The following MICAL2 variants were observed in gnomAD, a reference collection of about 807,000 sequenced individuals.
MICAL2 encodes [F-actin]-monooxygenase MICAL2.
Under a neutral mutation model 127.3 loss-of-function variants are expected in MICAL2, and 77 were observed. That is an observed-to-expected ratio of 0.60 (90% confidence interval 0.50 to 0.73). The LOEUF is 0.73. Among genes scored for constraint, MICAL2 ranks in the 30% least tolerant of loss-of-function variants. The probability of loss-of-function intolerance (pLI) is 0.00; values close to 1 mark genes in which losing one functional copy is unlikely to be tolerated. For missense variants in MICAL2, 1,351 were observed against 1,434.4 expected (o/e 0.94, Z 0.94); for synonymous variants, 570 against 551.1 (o/e 1.03, Z -0.48).
intron 2 of MICAL2, among the ~76,000 whole-genome samples, chr11:12,147,634 A>G (rs115838789): frequency 1.8e-3 from 267 of 152,330 alleles, no homozygotes; most frequent in African/African-American, 5.8e-3. Context: ...GAAGAGCCAA[A>G]TGGCGTGGTC....
intron 29 of MICAL2, among the ~76,000 whole-genome samples, chr11:12,300,586 A>G (rs1864036193): frequency 6.6e-6 from 1 of 152,158 alleles, no homozygotes; most frequent in South Asian, 2.1e-4. Flanking sequence ...CATGAACAAG[A>G]GGCCTCTAGG....
chr11:12,182,321 G>A (rs1031083135), intron 3 of MICAL2, among the ~76,000 whole-genome samples: 1 of 152,176 alleles, frequency 6.6e-6, no homozygotes, highest in African/African-American at 2.4e-5. Context: ...GCCTGCCAGT[G>A]TAGTGGGTCA....
downstream of MICAL2, chr11:12,293,518 T>C: frequency 6.5e-7 from 1 of 1,531,722 alleles, no homozygotes; most frequent in Non-Finnish European, 8.8e-7. Context: ...AAATAAATGA[T>C]GAAAATTTTT....
At chr11:12,117,836 A>G (rs1307130170) in intron 1 of MICAL2, among the ~76,000 whole-genome samples, 2 of 152,230 alleles carry the variant, frequency 1.3e-5, no homozygotes. Context: ...CATTTGTCTG[A>G]TGACTAAATG....
chr11:12,236,086 C>T, intron 15 of MICAL2, 91 bp from the exon 16 acceptor site: 5 of 1,139,900 alleles, frequency 4.4e-6, no homozygotes, highest in Non-Finnish European at 6.7e-6. Flanking sequence ...TCAGCGCCAG[C>T]TCAAAGCCAG....
chr11:12,224,888 T>C, intron 13 of MICAL2, 68 bp downstream of exon 13: 1 of 1,521,658 alleles, frequency 6.6e-7, no homozygotes, highest in Non-Finnish European at 9.0e-7. Flanking sequence ...GCATGCAGAA[T>C]CTTCATTACT....
At chr11:12,198,894 T>C (rs1860293496) in intron 3 of MICAL2, among the ~76,000 whole-genome samples, 1 of 152,212 alleles carries the variant, frequency 6.6e-6, no homozygotes, top group Non-Finnish European at 1.5e-5. Context: ...GGACCTGGCT[T>C]GCTCGTTCCT....
intron 1 of MICAL2, among the ~76,000 whole-genome samples, chr11:12,135,296 C>T (rs895781559): frequency 3.9e-5 from 6 of 152,114 alleles, no homozygotes; most frequent in African/African-American, 1.2e-4. Context: ...AGCTCTTTAC[C>T]TGCATAACTC....
intron 3 of MICAL2, among the ~76,000 whole-genome samples, chr11:12,183,485 C>T (rs1225115149): frequency 6.6e-6 from 1 of 152,176 alleles, no homozygotes; most frequent in Non-Finnish European, 1.5e-5. Context: ...ACCGCCTGTG[C>T]CCTTCTCAGG....
At position 12,204,183 on chromosome 11, in the gene MICAL2, T is replaced by C. The variant is rs1022861332; in HGVS notation, c.265-67T>C. On this transcript the variant is annotated intron_variant, in intron 3 of 27. Coordinates refer to ENST00000683283, the MANE Select transcript of MICAL2 (RefSeq NM_001282663.2). ...GGGATTTGCGCTTCAGTTTTCCTGC[T>C]GACTGGGGGTTCGTGTCTGTGATGC... The C allele has an allele frequency of 9.4e-6, 14 of 1,487,536 alleles. No homozygotes were observed. The African/African-American group carries it at 1.8e-4, about 19-fold the overall frequency. The allele number at this position is 1,487,536 out of a possible 1,614,324, so 92.1% of individuals were successfully genotyped here. A position where few individuals can be genotyped will look rare whatever the true frequency, so the allele number is the denominator to read the frequency against.
At chr11:12,292,216 G>C, downstream of MICAL2, 1 of 1,613,576 alleles carries the variant, frequency 6.2e-7, no homozygotes. Flanking sequence ...TTCCTTCATC[G>C]TCTTCCCATT....
At position 12,124,258 on chromosome 11, in the gene MICAL2, G is replaced by C. The variant is rs1236181138; in HGVS notation, c.-149+13532G>C. 3.9e-5 allele frequency among the ~76,000 whole-genome samples: 6 copies of C among 151,964 alleles called. 1 individual carries two copies. In the South Asian group the frequency reaches 1.2e-3, roughly 32 times the overall value. ...AAGTCATGATAAATGCTTATCGAAG[G>C]GACCCCTCTGTCACACTCCTGGAGA... On this transcript the variant is annotated intron_variant, in intron 1 of 27. Transcript: ENST00000683283.
intron 3 of MICAL2, among the ~76,000 whole-genome samples, chr11:12,171,953 T>G (rs1856316169): frequency 6.6e-6 from 1 of 152,182 alleles, no homozygotes; most frequent in South Asian, 2.1e-4. Context: ...ATATTTTGCT[T>G]TTTGTATATT....
intron 3 of MICAL2, among the ~76,000 whole-genome samples, chr11:12,200,189 C>T (rs1464327976): frequency 2.6e-5 from 4 of 152,272 alleles, no homozygotes; most frequent in African/African-American, 9.6e-5. Flanking sequence ...GGGTTAGACA[C>T]GGAAAATATG....
downstream of MICAL2, among the ~76,000 whole-genome samples, chr11:12,290,967 G>A (rs1014411181): frequency 6.6e-6 from 1 of 152,166 alleles, no homozygotes; most frequent in South Asian, 2.1e-4. Flanking sequence ...GAGCTTTGGG[G>A]AAACTAAGAC....
At chr11:12,215,464 G>C (rs1297432437) in intron 7 of MICAL2, among the ~76,000 whole-genome samples, 1 of 152,162 alleles carries the variant, frequency 6.6e-6, no homozygotes, top group Non-Finnish European at 1.5e-5. Flanking sequence ...GCATCACCTA[G>C]AGCTTGTTAA....
chr11:12,284,184 C>G (rs1262769463), intron 2 of MICAL2, among the ~76,000 whole-genome samples: 1 of 152,062 alleles, frequency 6.6e-6, no homozygotes, highest in Non-Finnish European at 1.5e-5. Context: ...CAACCTGCCC[C>G]GAATTATTCT....
chr11:12,259,850 G>A lies in MICAL2; in HGVS notation c.3287G>A (p.Ser1096Asn), dbSNP rs760115277. Residue 1096 changes from serine to asparagine, a missense_variant, in exon 26 of 28, where the codon AGT becomes AAT. Ser to Asn is a conservative substitution (Grantham distance 46). Around this residue, in one of 2 missense-constraint regions of MICAL2, gnomAD observed 752 missense variants for 719.4 expected, o/e 1.05. Coordinates refer to ENST00000683283, the MANE Select transcript of MICAL2 (RefSeq NM_001282663.2). ...CCTCGGAGAGACACTCCCACCGAAA[G>A]TTCTTGCGCAGTGGCCGCCATTGGC... ...EAPRRDTPTE[S>N]SCAVAAIGTL... The A allele has an allele frequency of 1.9e-6, 3 of 1,605,336 alleles. No individual in the cohort carries two copies. The highest frequency in any genetic ancestry group is 2.2e-5 in the South Asian group (2 of 90,074).
At chr11:12,330,558 G>A (rs868455870) in intron 32 of MICAL2, among the ~76,000 whole-genome samples, 2 of 152,036 alleles carry the variant, frequency 1.3e-5, no homozygotes, top group Non-Finnish European at 2.9e-5. Flanking sequence ...AGGAACATGC[G>A]GGGGTGCGGG....
Sources: gnomAD v4.1 joint callset for allele counts (sites outside exome capture counted in the v4.1 genomes callset) on GRCh38, gnomAD v4.1.1 for gene constraint, gnomAD v4.1.1 regional missense constraint, MANE v1.5 for transcripts, NCBI Gene and HGNC (gene_info 2026-07-23, HGNC 2026-07-21) for gene names.